The following DLG2 variants were observed in gnomAD, a reference collection of about 807,000 sequenced individuals.
The protein encoded by DLG2 is discs large MAGUK scaffold protein 2.
Under a neutral mutation model 132.5 loss-of-function variants are expected in DLG2, and 45 were observed. The ratio of observed to expected loss-of-function variants is 0.34; its 90% CI spans 0.27 to 0.44. The LOEUF is 0.44. DLG2 is among the 20% of genes least tolerant of loss of function. DLG2 has a pLI of 1.00. For missense variants in DLG2, 1,045 were observed against 1,196.9 expected (o/e 0.87, Z 1.87); for synonymous variants, 424 against 419.6 (o/e 1.01, Z -0.13).
chr11:85,345,873 T>TA (rs1324754112), intron 3 of DLG2, among the ~76,000 whole-genome samples: 4 of 151,768 alleles, frequency 2.6e-5, no homozygotes, highest in African/African-American at 4.9e-5. Flanking sequence ...ACTATTGCTT[T>TA]AAAAAAAACA....
At chr11:85,138,645 A>AT (rs545707113) in intron 5 of DLG2, among the ~76,000 whole-genome samples, 115 of 152,204 alleles carry the variant, frequency 7.6e-4, no homozygotes, top group African/African-American at 2.7e-3. Flanking sequence ...TGAATCATGG[A>AT]TGCCGGTCTT....
chr11:83,648,451 G>A (rs2068942102), intron 18 of DLG2, among the ~76,000 whole-genome samples: 1 of 152,110 alleles, frequency 6.6e-6, no homozygotes. Context: ...GCAGGACAAA[G>A]GGTACTAAGT....
At chr11:84,578,890 G>C (rs571725476) in intron 6 of DLG2, among the ~76,000 whole-genome samples, 86 of 152,198 alleles carry the variant, frequency 5.7e-4, no homozygotes, top group African/African-American at 2.0e-3. Context: ...ACATGTTGTG[G>C]GAGGCACCCA....
At chr11:84,977,050 CT>C (rs990368755) in intron 6 of DLG2, among the ~76,000 whole-genome samples, 5 of 149,502 alleles carry the variant, frequency 3.3e-5, no homozygotes, top group East Asian at 1.9e-4. Context: ...ACCTGTGCCT[CT>C]TTTTTTTTCT....
Position 83,888,128 on chromosome 11 carries a change from G to T in DLG2, c.1497-13640C>A, listed in dbSNP as rs917091966. 2.0e-5 allele frequency among the ~76,000 whole-genome samples: 3 copies of T among 149,878 alleles called. No individual in the cohort carries two copies. The East Asian group carries it at 5.9e-4, about 30-fold the overall frequency. ...AATTAGGCAGGAGAAGGAAATAAAGGGTATTCAATTAGGAAAAGAGGAAGT... is the reference window on the plus strand; with the variant it reads ...AATTAGGCAGGAGAAGGAAATAAAGTGTATTCAATTAGGAAAAGAGGAAGT... On this transcript the variant is annotated intron_variant, in intron 15 of 27. Transcript: ENST00000376104.
chr11:84,052,779 A>T (rs2096418860), intron 11 of DLG2, among the ~76,000 whole-genome samples: 1 of 151,816 alleles, frequency 6.6e-6, no homozygotes. Flanking sequence ...GAGTTTAACC[A>T]TTGTGGAAGA....
intron 10 of DLG2, among the ~76,000 whole-genome samples, chr11:84,074,363 T>C (rs1239258291): frequency 6.6e-6 from 1 of 152,134 alleles, no homozygotes; most frequent in Non-Finnish European, 1.5e-5. Flanking sequence ...ACAAGATCAG[T>C]AGCTTCTAGC....
At chr11:85,136,544 G>A (rs1364858786) in intron 5 of DLG2, among the ~76,000 whole-genome samples, 2 of 152,070 alleles carry the variant, frequency 1.3e-5, no homozygotes, top group Non-Finnish European at 2.9e-5. Context: ...TCTTTGGCAA[G>A]ATAAAAAGCC....
intron 7 of DLG2, among the ~76,000 whole-genome samples, chr11:84,509,958 A>C (rs2154513753): frequency 6.6e-6 from 1 of 151,980 alleles, no homozygotes; most frequent in East Asian, 1.9e-4. Flanking sequence ...ATTAAACCTT[A>C]TATATGAAGA....
At chr11:83,928,943 T>G (rs974480293) in intron 15 of DLG2, among the ~76,000 whole-genome samples, 5 of 152,160 alleles carry the variant, frequency 3.3e-5, no homozygotes, top group Non-Finnish European at 4.4e-5. Context: ...TATGGTGACT[T>G]TGACCTTTCA....
intron 17 of DLG2, among the ~76,000 whole-genome samples, chr11:83,823,618 C>T (rs1282891985): frequency 6.6e-6 from 1 of 152,092 alleles, no homozygotes; most frequent in Non-Finnish European, 1.5e-5. Flanking sequence ...GGATTTCCAA[C>T]TGCCTTCAGA....
intron 6 of DLG2, among the ~76,000 whole-genome samples, chr11:84,894,924 C>T (rs1038290361): frequency 2.6e-5 from 4 of 152,140 alleles, no homozygotes; most frequent in Non-Finnish European, 5.9e-5. Context: ...CTGCTAGTGC[C>T]CTCACCAGGC....
At chr11:83,817,360 GT>G (rs1014483749) in intron 17 of DLG2, among the ~76,000 whole-genome samples, 16 of 152,082 alleles carry the variant, frequency 1.1e-4, no homozygotes, top group Non-Finnish European at 2.1e-4. Context: ...TCAGAAGAAG[GT>G]GGGGTGGGGA....
rs750152637 is a variant in DLG2, at chr11:85,079,737, T to C, written c.357+31924A>G. On this transcript the variant is annotated intron_variant, in intron 6 of 27. Coordinates refer to ENST00000376104, the MANE Select transcript of DLG2 (RefSeq NM_001142699.3). ...GACAGGCATTCATCAAACCTTAAGATAGAAAAGCCAACAAATTAGCCAGCT... is the reference window on the plus strand; with the variant it reads ...GACAGGCATTCATCAAACCTTAAGACAGAAAAGCCAACAAATTAGCCAGCT... Among the ~76,000 whole-genome samples the C allele has an allele frequency of 5.2e-4, 79 of 152,106 alleles. 1 individual carries two copies. Among genetic ancestry groups the C allele is most frequent in the Non-Finnish European group, 1.0e-3 (71 of 67,972 alleles).
intron 3 of DLG2, among the ~76,000 whole-genome samples, chr11:85,497,400 C>G (rs1221605333): frequency 6.6e-6 from 1 of 151,726 alleles, no homozygotes; most frequent in Non-Finnish European, 1.5e-5. Context: ...AAGAAAAGAA[C>G]AAAGCCTCCA....
intron 18 of DLG2, among the ~76,000 whole-genome samples, chr11:83,717,652 A>C (rs186557289): frequency 1.3e-5 from 2 of 152,232 alleles, no homozygotes; most frequent in Admixed American, 1.3e-4. Context: ...GGGGGAAAAA[A>C]GTACAGAAAA....
chr11:83,656,455 C>G (rs2072479210), intron 18 of DLG2, among the ~76,000 whole-genome samples: 1 of 152,168 alleles, frequency 6.6e-6, no homozygotes, highest in South Asian at 2.1e-4. Flanking sequence ...AACTTCTCCT[C>G]CTGAGCCTGA....
At chr11:84,186,394 C>T (rs7926835) in intron 8 of DLG2, among the ~76,000 whole-genome samples, 465 of 151,882 alleles carry the variant, frequency 3.1e-3, no homozygotes, top group African/African-American at 0.011. Context: ...AGAGCTGGAG[C>T]GGCTATACTG....
chr11:84,870,055 G>A (rs149316644), intron 6 of DLG2, among the ~76,000 whole-genome samples: 5 of 152,304 alleles, frequency 3.3e-5, no homozygotes, highest in Admixed American at 1.3e-4. Context: ...GATAACCCAT[G>A]AAGCTGAGAA....
Sources: gnomAD v4.1 joint callset for allele counts (sites outside exome capture counted in the v4.1 genomes callset) on GRCh38, gnomAD v4.1.1 for gene constraint, MANE v1.5 for transcripts, NCBI Gene and HGNC (gene_info 2026-07-23, HGNC 2026-07-21) for gene names.